The following HS6ST2 variants were observed in gnomAD, a reference collection of about 807,000 sequenced individuals.
HS6ST2 encodes the protein heparan sulfate 6-O-sulfotransferase 2, also known as heparan-sulfate 6-O-sulfotransferase 2.
In HS6ST2, 17 loss-of-function variants were observed where a neutral mutation model predicts 33.0. The observed-to-expected ratio is 0.52, with a 90% CI of 0.35 to 0.77. The LOEUF (loss-of-function observed/expected upper bound fraction) is 0.77. Among genes scored for constraint, HS6ST2 ranks in the 30% least tolerant of loss-of-function variants. The pLI is 0.01. For synonymous variants in HS6ST2, 248 were observed against 237.1 expected (o/e 1.05, Z -0.42); for missense variants, 519 against 551.7 (o/e 0.94, Z 0.59).
chrX:132,783,020 G>A (rs774240961), intron 2 of HS6ST2, among the ~76,000 whole-genome samples: 1 of 111,710 alleles, frequency 9.0e-6, no homozygotes, highest in Non-Finnish European at 1.9e-5. Context: ...AAAAGACATA[G>A]GGGAAGAGGG....
intron 2 of HS6ST2, among the ~76,000 whole-genome samples, chrX:132,710,002 A>T (rs773427710): frequency 8.9e-5 from 10 of 112,109 alleles, no homozygotes; most frequent in Admixed American, 4.7e-4. Flanking sequence ...ATTGATTTAT[A>T]TGGGAACGGG....
At chrX:132,823,580 G>A (rs1416709725) in intron 2 of HS6ST2, among the ~76,000 whole-genome samples, 2 of 108,446 alleles carry the variant, frequency 1.8e-5, no homozygotes, top group African/African-American at 6.7e-5. Context: ...TCTAGGCCAG[G>A]CACGATGGCT....
intron 2 of HS6ST2, among the ~76,000 whole-genome samples, chrX:132,795,540 T>A (rs1048809498): frequency 8.9e-6 from 1 of 111,888 alleles, no homozygotes; most frequent in Non-Finnish European, 1.9e-5. Flanking sequence ...TTAGTGAAAT[T>A]TACATGTACT....
chrX:132,778,535 G>A (rs1456969371), intron 2 of HS6ST2, among the ~76,000 whole-genome samples: 2 of 107,220 alleles, frequency 1.9e-5, no homozygotes, highest in East Asian at 5.8e-4. Context: ...GAGTAGCTGG[G>A]ATTACAGGTG....
chrX:132,807,708 A>G (rs2065299049), intron 2 of HS6ST2, among the ~76,000 whole-genome samples: 1 of 112,304 alleles, frequency 8.9e-6, no homozygotes, highest in South Asian at 3.7e-4. Context: ...CTCTAGGAAA[A>G]GAAAAGTCAC....
chrX:132,785,308 G>A (rs1468332050), intron 2 of HS6ST2, among the ~76,000 whole-genome samples: 2 of 111,826 alleles, frequency 1.8e-5, no homozygotes, highest in African/African-American at 6.5e-5. Context: ...AAGACTTCAG[G>A]CTGATGCTGA....
At chrX:132,902,875 C>T (rs978480283) in intron 2 of HS6ST2, among the ~76,000 whole-genome samples, 11 of 111,297 alleles carry the variant, frequency 9.9e-5, no homozygotes, top group African/African-American at 3.3e-4. Flanking sequence ...ATGATACTTT[C>T]CCCTTGAGAT....
intron 4 of HS6ST2, among the ~76,000 whole-genome samples, chrX:132,668,768 G>GTGCTGCTGC (rs200631922): frequency 1.8e-5 from 2 of 111,364 alleles, no homozygotes; most frequent in Non-Finnish European, 3.8e-5. Context: ...TCATAAATCA[G>GTGCTGCTGC]TGCTGCTGCT....
intron 4 of HS6ST2, among the ~76,000 whole-genome samples, chrX:132,629,296 C>A (rs2063501172): frequency 8.9e-6 from 1 of 111,800 alleles, no homozygotes; most frequent in African/African-American, 3.3e-5. Context: ...ATTTTTTCAA[C>A]CAATTTGCTG....
At chrX:132,816,697 A>G (rs1282047508) in intron 2 of HS6ST2, among the ~76,000 whole-genome samples, 4 of 111,983 alleles carry the variant, frequency 3.6e-5, no homozygotes, top group African/African-American at 1.3e-4. Context: ...CTGAAAAACA[A>G]CAACTTTGAG....
intron 2 of HS6ST2, among the ~76,000 whole-genome samples, chrX:132,814,500 T>C (rs1375891088): frequency 8.9e-6 from 1 of 111,983 alleles, no homozygotes; most frequent in Non-Finnish European, 1.9e-5. Flanking sequence ...GAGCCTGTTA[T>C]ATAGTTTTTT....
intron 2 of HS6ST2, among the ~76,000 whole-genome samples, chrX:132,780,253 C>A (rs904391962): frequency 9.1e-6 from 1 of 110,491 alleles, no homozygotes; most frequent in Non-Finnish European, 1.9e-5. Flanking sequence ...CCTTTGCCTC[C>A]CAAAGGATTG....
intron 2 of HS6ST2, among the ~76,000 whole-genome samples, chrX:132,725,628 G>C (rs949802921): frequency 1.8e-5 from 2 of 111,919 alleles, no homozygotes; most frequent in Non-Finnish European, 1.9e-5. Flanking sequence ...TAAAAATAGA[G>C]CTACCATATG....
chrX:132,894,438 G>A (rs756436760), intron 2 of HS6ST2, among the ~76,000 whole-genome samples: 12 of 110,401 alleles, frequency 1.1e-4, no homozygotes, highest in Non-Finnish European at 1.5e-4. Context: ...ACTGTGCCAG[G>A]CCCGGGTTTC....
chrX:132,801,741 T>C (rs2065237452), intron 2 of HS6ST2, among the ~76,000 whole-genome samples: 1 of 112,139 alleles, frequency 8.9e-6, no homozygotes, highest in Admixed American at 9.5e-5. Context: ...AGCATAGTAG[T>C]AAGAAGGAAA....
At chrX:132,728,976 C>T (rs2064426842) in intron 2 of HS6ST2, among the ~76,000 whole-genome samples, 1 of 112,587 alleles carries the variant, frequency 8.9e-6, no homozygotes, top group Admixed American at 9.4e-5. Flanking sequence ...GTATCACTCC[C>T]TGGGCAGGTC....
At chrX:132,743,716 A>T (rs1282127029) in intron 2 of HS6ST2, among the ~76,000 whole-genome samples, 1 of 111,568 alleles carries the variant, frequency 9.0e-6, no homozygotes, top group African/African-American at 3.3e-5. Flanking sequence ...AGATCATCTG[A>T]CACCAAAGTC....
chrX:132,639,114 C>A (rs1371299204), intron 4 of HS6ST2, among the ~76,000 whole-genome samples: 1 of 112,019 alleles, frequency 8.9e-6, no homozygotes, highest in Non-Finnish European at 1.9e-5. Flanking sequence ...ATTTCTAATG[C>A]CTTTGAATTC....
intron 3 of HS6ST2, among the ~76,000 whole-genome samples, chrX:132,670,686 G>A (rs768900975): frequency 5.3e-5 from 6 of 112,293 alleles, no homozygotes; most frequent in South Asian, 7.5e-4. Flanking sequence ...GGTGGCGGGC[G>A]TCTGTAATCC....
Sources: gnomAD v4.1 joint callset for allele counts (sites outside exome capture counted in the v4.1 genomes callset) on GRCh38, gnomAD v4.1.1 for gene constraint, MANE v1.5 for transcripts, NCBI Gene and HGNC (gene_info 2026-07-23, HGNC 2026-07-21) for gene names.